Variants in RPS6KA2 observed in about 807,000 individuals in gnomAD.
RPS6KA2 encodes the protein ribosomal protein S6 kinase alpha-2.
RPS6KA2 carries 42 observed loss-of-function variants against 91.8 expected under a neutral mutation model. The ratio of observed to expected loss-of-function variants is 0.46; its 90% CI spans 0.36 to 0.59. The LOEUF is 0.59. Ranked by LOEUF, RPS6KA2 falls within the 20% of genes least tolerant of loss-of-function variation. RPS6KA2 has a pLI of 0.00. For missense variants in RPS6KA2, 798 were observed against 978.5 expected, an observed-to-expected ratio of 0.82 and a Z score of 2.46; for synonymous variants, 414 against 393.6, an observed-to-expected ratio of 1.05 and a Z score of -0.61.
At chr6:166,795,238 A>G (rs977312051) in intron 2 of RPS6KA2, among the ~76,000 whole-genome samples, 1 of 152,220 alleles carries the variant, frequency 6.6e-6, no homozygotes, top group Admixed American at 6.5e-5. Context: ...TTTGTGATAT[A>G]TGGAGGCTGA....
At chr6:166,761,512 T>G (rs1424691706) in intron 2 of RPS6KA2, among the ~76,000 whole-genome samples, 2 of 152,258 alleles carry the variant, frequency 1.3e-5, no homozygotes, top group African/African-American at 2.4e-5. Flanking sequence ...TGTTGACAGG[T>G]GAGCATCCAC....
At chr6:166,571,907 T>C (rs1238903785) in intron 1 of RPS6KA2, among the ~76,000 whole-genome samples, 1 of 152,194 alleles carries the variant, frequency 6.6e-6, no homozygotes, top group Non-Finnish European at 1.5e-5. Flanking sequence ...CAAATACTTC[T>C]GTGTAAACGT....
intron 2 of RPS6KA2, among the ~76,000 whole-genome samples, chr6:166,765,523 CA>C (rs1204781684): frequency 6.6e-6 from 1 of 152,140 alleles, no homozygotes; most frequent in Non-Finnish European, 1.5e-5. Flanking sequence ...ATAAATCCTG[CA>C]GTAATAACAA....
At chr6:166,718,304 C>T (rs113706754) in intron 2 of RPS6KA2, among the ~76,000 whole-genome samples, 1,969 of 152,286 alleles carry the variant, frequency 0.013, 46 homozygotes, top group African/African-American at 0.045. Context: ...TTATCAGAGG[C>T]TGGCATGGGG....
chr6:166,796,319 G>A (rs1001489604), intron 2 of RPS6KA2, among the ~76,000 whole-genome samples: 13 of 152,136 alleles, frequency 8.5e-5, no homozygotes, highest in African/African-American at 2.7e-4. Context: ...GGCTGGGTGC[G>A]ATGGCTCACA....
chr6:166,602,959 T>C (rs1254470805), intron 1 of RPS6KA2, among the ~76,000 whole-genome samples: 5 of 152,256 alleles, frequency 3.3e-5, no homozygotes, highest in South Asian at 2.1e-4. Flanking sequence ...GCCAATGGTC[T>C]ATCCACAGTG....
chr6:166,501,859 A>C (rs1782041167), intron 6 of RPS6KA2, among the ~76,000 whole-genome samples: 1 of 152,356 alleles, frequency 6.6e-6, no homozygotes, highest in Admixed American at 6.5e-5. Context: ...TTGGAGGATT[A>C]ATCTGTGATA....
At chr6:166,573,227 G>A (rs1455572265) in intron 1 of RPS6KA2, among the ~76,000 whole-genome samples, 1 of 152,186 alleles carries the variant, frequency 6.6e-6, no homozygotes, top group Non-Finnish European at 1.5e-5. Flanking sequence ...GCCCTGTCAC[G>A]AGAAGGGCAC....
At chr6:166,811,703 C>T (rs538585236) in intron 2 of RPS6KA2, among the ~76,000 whole-genome samples, 4 of 152,230 alleles carry the variant, frequency 2.6e-5, no homozygotes, top group South Asian at 2.1e-4. Context: ...AAAGCATCCC[C>T]TAACCTTTTA....
intron 2 of RPS6KA2, among the ~76,000 whole-genome samples, chr6:166,757,124 A>C (rs1309579296): frequency 6.6e-6 from 1 of 152,242 alleles, no homozygotes; most frequent in Non-Finnish European, 1.5e-5. Flanking sequence ...GCTCTTGAAG[A>C]GTTGGTTCTC....
At chr6:166,420,067 G>T in intron 17 of RPS6KA2, 109 bp from the exon 18 acceptor site, 1 of 1,025,870 alleles carries the variant, frequency 9.7e-7, no homozygotes, top group Non-Finnish European at 1.5e-6. Context: ...CCAGGAGGAG[G>T]GCGGTGCCAT....
At chr6:166,574,004 C>T (rs953950077) in intron 1 of RPS6KA2, among the ~76,000 whole-genome samples, 3 of 152,082 alleles carry the variant, frequency 2.0e-5, no homozygotes, top group African/African-American at 7.2e-5. Context: ...CACAATAAAC[C>T]ATCTCTACGC....
At chr6:166,728,529 G>C (rs537174917) in intron 2 of RPS6KA2, among the ~76,000 whole-genome samples, 33 of 152,326 alleles carry the variant, frequency 2.2e-4, no homozygotes, top group Admixed American at 1.9e-3. Context: ...GCAGTGCCCA[G>C]GGAAAGAGTG....
chr6:166,607,013 G>A (rs768763334), intron 1 of RPS6KA2, among the ~76,000 whole-genome samples: 32 of 152,114 alleles, frequency 2.1e-4, no homozygotes, highest in Admixed American at 6.6e-4. Flanking sequence ...GTGCTGGCAG[G>A]TGCCTATAAT....
At chr6:166,608,528 A>G (rs1786037629) in intron 1 of RPS6KA2, among the ~76,000 whole-genome samples, 1 of 152,212 alleles carries the variant, frequency 6.6e-6, no homozygotes, top group African/African-American at 2.4e-5. Context: ...TATCTCTGAG[A>G]GGGAGACAAA....
chr6:166,643,556 T>G (rs1479619008), intron 2 of RPS6KA2, among the ~76,000 whole-genome samples: 1 of 152,244 alleles, frequency 6.6e-6, no homozygotes, highest in Non-Finnish European at 1.5e-5. Flanking sequence ...AGCTTCAAAA[T>G]GTATTAATCA....
chr6:166,840,277 G>T (rs955546881), intron 2 of RPS6KA2, among the ~76,000 whole-genome samples: 2 of 152,098 alleles, frequency 1.3e-5, no homozygotes, highest in African/African-American at 4.8e-5. Flanking sequence ...ACCAGAACCT[G>T]AAGTTTTATC....
intron 2 of RPS6KA2, among the ~76,000 whole-genome samples, chr6:166,651,204 T>C (rs1787845425): frequency 6.6e-6 from 1 of 152,238 alleles, no homozygotes; most frequent in South Asian, 2.1e-4. Context: ...ATATCATATA[T>C]ATATAATTTG....
chr6:166,474,427 C>T (rs1191185592), intron 10 of RPS6KA2, among the ~76,000 whole-genome samples: 1 of 152,236 alleles, frequency 6.6e-6, no homozygotes, highest in African/African-American at 2.4e-5. Context: ...CTCATCAGCA[C>T]ATCGAATTCC....
Sources: allele counts gnomAD v4.1 joint callset (sites outside exome capture counted in the v4.1 genomes callset), GRCh38; gene constraint gnomAD v4.1.1; transcripts MANE v1.5; gene names NCBI Gene and HGNC (gene_info 2026-07-23, HGNC 2026-07-21).